The following ZHX3 variants were observed in gnomAD, a reference collection of about 807,000 sequenced individuals.
ZHX3 encodes zinc fingers and homeoboxes protein 3.
ZHX3 carries 20 observed loss-of-function variants against 64.5 expected under a neutral mutation model. That is an observed-to-expected ratio of 0.31 (90% CI 0.22 to 0.45). ZHX3 has a LOEUF of 0.45. Ranked by LOEUF, ZHX3 falls within the 20% of genes least tolerant of loss-of-function variation. The pLI is 1.00. For synonymous variants in ZHX3, 423 were observed against 461.6 expected (o/e 0.92, Z 1.07); for missense variants, 1,041 against 1,195.8 (o/e 0.87, Z 1.91).
intron 2 of ZHX3, among the ~76,000 whole-genome samples, chr20:41,230,661 T>C (rs191745320): frequency 6.6e-6 from 1 of 152,232 alleles, no homozygotes; most frequent in Non-Finnish European, 1.5e-5. Flanking sequence ...TCTGATAAAT[T>C]GGGTTAAATA....
At chr20:41,225,178 T>C (rs1449624068) in intron 2 of ZHX3, among the ~76,000 whole-genome samples, 4 of 152,356 alleles carry the variant, frequency 2.6e-5, no homozygotes, top group Middle Eastern at 3.4e-3. Flanking sequence ...ATCCATTTCC[T>C]CATTGGTAAA....
chr20:41,317,479 C>A (rs1003654577), intron 1 of ZHX3, 30 bp downstream of exon 1: 1 of 151,088 alleles, frequency 6.6e-6, no homozygotes, highest in African/African-American at 2.4e-5. Flanking sequence ...CGGGGGCACG[C>A]GGGGCCGGCT....
chr20:41,273,526 A>G (rs576112934), intron 1 of ZHX3, among the ~76,000 whole-genome samples: 17 of 152,132 alleles, frequency 1.1e-4, no homozygotes, highest in African/African-American at 1.9e-4. Flanking sequence ...GTCCATTTTG[A>G]GTTAATTTTA....
chr20:41,203,153 A>C lies in ZHX3; in HGVS notation c.1764T>G (p.Ile588Met), dbSNP rs771236952. ...PSSKVPEVTC[I>M]PTTATLATHP... Reference sequence around the variant, plus strand: ...GGGTTGCTAGTGTGGCTGTTGTCGGAATGCAGGTTACCTCAGGGACCTTGG... The same window carrying C: ...GGGTTGCTAGTGTGGCTGTTGTCGGCATGCAGGTTACCTCAGGGACCTTGG... Residue 588 changes from isoleucine to methionine, a missense_variant, in exon 3 of 4, where the codon ATT becomes ATG. This residue lies in a region of ZHX3 where 649 missense variants were observed against 739.8 expected (regional missense o/e 0.88). Transcript: ENST00000683867. This position sits in a 1 kb window ranked among gnomAD's most constrained non-coding sequence, Gnocchi z 7.1. 6.2e-7 allele frequency: 1 copy of C among 1,614,046 alleles called. No individual in the cohort carries two copies. The highest frequency in any genetic ancestry group is 8.5e-7 in the Non-Finnish European group (1 of 1,180,014).
rs1222841591 is a variant in ZHX3 at position 41,185,057 on chromosome 20, A to G, written c.*134T>C. ...GGCAGGCTCTGGGCTGTCTGCGAGG[A>G]TTCTGGAAGCTCTCCCAGGTGCCCA... On this transcript the variant is annotated 3_prime_UTR_variant, in exon 4 of 4. Coordinates refer to ENST00000683867, the MANE Select transcript of ZHX3 (RefSeq NM_001384317.1). The surrounding 1 kb of genome is among the most constrained non-coding windows in gnomAD (Gnocchi z 5.0). 6 of 1,552,932 alleles carry G rather than the reference A, an allele frequency of 3.9e-6. No homozygotes were observed. The highest frequency in any genetic ancestry group is 5.2e-6 in the Non-Finnish European group (6 of 1,147,506).
intron 1 of ZHX3, among the ~76,000 whole-genome samples, chr20:41,310,059 C>T (rs1334361772): frequency 1.3e-5 from 2 of 152,196 alleles, no homozygotes; most frequent in Non-Finnish European, 2.9e-5. Flanking sequence ...TCCTCCCCAT[C>T]TAGCCTAGAT....
chr20:41,289,765 C>G (rs978413325), intron 1 of ZHX3, among the ~76,000 whole-genome samples: 4 of 150,858 alleles, frequency 2.7e-5, no homozygotes, highest in African/African-American at 9.8e-5. Context: ...CAAATGCCAC[C>G]GAGAAATGAT....
chr20:41,186,797 T>C (rs2036560479), intron 3 of ZHX3, among the ~76,000 whole-genome samples: 1 of 152,232 alleles, frequency 6.6e-6, no homozygotes. Flanking sequence ...ATGAGAAATG[T>C]CTAAATCATT....
chr20:41,224,303 C>A lies in ZHX3; in HGVS notation c.-150-19237G>T, dbSNP rs2040129979. ...TTTGTCTTTTGGACATAAATCAACT[C>A]TTTTTACTACATGACGCATCAACTC... On this transcript the variant is annotated intron_variant, in intron 2 of 3. Coordinates refer to ENST00000683867, the MANE Select transcript of ZHX3 (RefSeq NM_001384317.1). This position sits in a 1 kb window ranked among gnomAD's most constrained non-coding sequence, Gnocchi z 5.2. 6.6e-6 allele frequency among the ~76,000 whole-genome samples: 1 copy of A among 152,178 alleles called. No individual in the cohort carries two copies. Among genetic ancestry groups the A allele is most frequent in the African/African-American group, 2.4e-5 (1 of 41,450 alleles).
intron 1 of ZHX3, among the ~76,000 whole-genome samples, chr20:41,309,047 AC>A (rs1370149920): frequency 2.0e-5 from 3 of 152,170 alleles, no homozygotes; most frequent in Non-Finnish European, 4.4e-5. Flanking sequence ...TTCAGAGACC[AC>A]CGAGGCAAAC....
At chr20:41,230,422 G>A (rs928349063) in intron 2 of ZHX3, among the ~76,000 whole-genome samples, 1 of 152,088 alleles carries the variant, frequency 6.6e-6, no homozygotes, top group Non-Finnish European at 1.5e-5. Context: ...GCTGAGAATT[G>A]AGGCTTCTGA....
At chr20:41,267,935 GATATATAA>G in intron 2 of ZHX3, among the ~76,000 whole-genome samples, 2 of 152,178 alleles carry the variant, frequency 1.3e-5, no homozygotes, top group Non-Finnish European at 2.9e-5. Context: ...TTAGAGGATT[GATATATAA>G]AGCCACTAAA....
In ZHX3 at chr20:41,274,324, G is replaced by A. The variant is rs553826742; in HGVS notation, c.-244-5241C>T. ...AGAGTTAAGTTGTTTAACAGACTTC[G>A]CAGAACAGTATCAGGAACTCTTTTT... On this transcript the variant is annotated intron_variant, in intron 1 of 3. Coordinates refer to ENST00000683867, the MANE Select transcript of ZHX3 (RefSeq NM_001384317.1). Among the ~76,000 whole-genome samples the A allele has an allele frequency of 1.1e-4, 16 of 152,242 alleles. No individual in the cohort carries two copies. In the South Asian group the frequency reaches 2.9e-3, roughly 28 times the overall value.
At chr20:41,231,556 C>A (rs1470317042) in intron 2 of ZHX3, among the ~76,000 whole-genome samples, 1 of 152,164 alleles carries the variant, frequency 6.6e-6, no homozygotes, top group East Asian at 1.9e-4. Flanking sequence ...GCACATTCTA[C>A]CTTATAATTT....
intron 2 of ZHX3, among the ~76,000 whole-genome samples, chr20:41,234,711 G>A (rs1487806243): frequency 6.6e-6 from 1 of 152,230 alleles, no homozygotes; most frequent in Non-Finnish European, 1.5e-5. Context: ...GTTACTGGCT[G>A]CAAGCCCCTT....
chr20:41,277,826 C>T (rs6102338), intron 1 of ZHX3, among the ~76,000 whole-genome samples: 8,517 of 136,506 alleles, frequency 0.062, 1,896 homozygotes, highest in African/African-American at 0.23. Context: ...CTCCTGACCT[C>T]GTGATCTGCC....
chr20:41,259,548 C>T (rs1453770568), intron 2 of ZHX3, among the ~76,000 whole-genome samples: 1 of 152,030 alleles, frequency 6.6e-6, no homozygotes, highest in African/African-American at 2.4e-5. Flanking sequence ...GAAGTAGATA[C>T]ATGTGAATGG....
rs773864176 is a variant in ZHX3, at chr20:41,278,066, G to A, written c.-244-8983C>T. On this transcript the variant is annotated intron_variant, in intron 1 of 3. Transcript: ENST00000683867. The stretch of plus-strand genomic sequence containing the variant: ...GAGAAGATTATAGCTAGGGGAGGCT[G>A]GGTGTGGTGGCTCACGCCTGGGATT... Among the ~76,000 whole-genome samples the A allele has an allele frequency of 2.3e-4, 32 of 139,262 alleles. 6 individuals are homozygous for A. The highest frequency in any genetic ancestry group is 3.9e-4 in the Non-Finnish European group (25 of 63,828). 91.4% of individuals were successfully genotyped at this position (139,262 alleles called of 152,430 possible). A position where few individuals can be genotyped will look rare whatever the true frequency, so the allele number is the denominator to read the frequency against.
intron 2 of ZHX3, among the ~76,000 whole-genome samples, chr20:41,237,159 T>C (rs1420216194): frequency 2.0e-5 from 3 of 152,218 alleles, no homozygotes; most frequent in Non-Finnish European, 4.4e-5. Context: ...TTTTACACTG[T>C]TGGGGGGACT....
Sources: allele counts gnomAD v4.1 joint callset (sites outside exome capture counted in the v4.1 genomes callset), GRCh38; gene constraint gnomAD v4.1.1; regional missense constraint gnomAD v4.1.1; non-coding constraint Gnocchi (gnomAD v3.1); transcripts MANE v1.5; gene names NCBI Gene and HGNC (gene_info 2026-07-23, HGNC 2026-07-21).